Variants in PLXNA4 observed in about 807,000 individuals in gnomAD.
PLXNA4 encodes plexin-A4.
PLXNA4 carries 44 observed loss-of-function variants against 191.8 expected under a neutral mutation model. That is an observed-to-expected ratio of 0.23 (90% CI 0.18 to 0.29). The LOEUF is 0.29. Ranked by LOEUF, PLXNA4 falls within the 10% of genes least tolerant of loss-of-function variation. PLXNA4 has a pLI of 1.00. For synonymous variants in PLXNA4, 1,082 were observed against 1,009.5 expected (o/e 1.07, Z -1.36); for missense variants, 1,800 against 2,488.8 (o/e 0.72, Z 5.89).
At chr7:132,522,467 T>G (rs1400683163) in intron 1 of PLXNA4, among the ~76,000 whole-genome samples, 1 of 152,198 alleles carries the variant, frequency 6.6e-6, no homozygotes, top group Admixed American at 6.5e-5. Context: ...TCCAATACTT[T>G]CCTAATAAAC....
intron 3 of PLXNA4, among the ~76,000 whole-genome samples, chr7:132,432,609 G>A (rs1030392256): frequency 2.0e-5 from 3 of 152,182 alleles, no homozygotes; most frequent in South Asian, 4.1e-4. Context: ...GGGGTGTGGG[G>A]AAGGACTATT....
At chr7:132,539,066 C>T (rs2116489494) in intron 1 of PLXNA4, among the ~76,000 whole-genome samples, 1 of 152,328 alleles carries the variant, frequency 6.6e-6, no homozygotes. Context: ...GCCACCCTCT[C>T]ACCCTCCTTG....
chr7:132,479,532 G>A (rs901030864), intron 3 of PLXNA4, among the ~76,000 whole-genome samples: 19 of 152,218 alleles, frequency 1.2e-4, no homozygotes, highest in African/African-American at 3.6e-4. Context: ...CCTTCCACCC[G>A]CACCTTAGTG....
intron 19 of PLXNA4, 52 bp from the exon 20 acceptor site, chr7:132,179,973 G>A: frequency 6.5e-7 from 1 of 1,541,284 alleles, no homozygotes; most frequent in Non-Finnish European, 8.8e-7. Flanking sequence ...CAGCAGCTTT[G>A]GCAACAGTCC....
intron 1 of PLXNA4, among the ~76,000 whole-genome samples, chr7:132,647,546 CACAT>C (rs759172256): frequency 4.3e-4 from 66 of 152,038 alleles, no homozygotes; most frequent in Non-Finnish European, 4.9e-4. Context: ...CACGTACACT[CACAT>C]ACTCACACAT....
In PLXNA4 at chr7:132,274,280, A is replaced by ATG. The variant is rs1370566605; in HGVS notation, c.1503+23810_1503+23811insCA. ...TACGCTAATATGTATATATATATAT[A>ATG]TATGTATATATTTCTATTTTAAGAC... On this transcript the variant is annotated intron_variant, in intron 4 of 31. Transcript: ENST00000321063. Among the ~76,000 whole-genome samples the ATG allele has an allele frequency of 2.0e-5, 3 of 151,374 alleles. No individual in the cohort carries two copies. In the East Asian group the frequency reaches 5.8e-4, roughly 29 times the overall value.
At chr7:132,151,342 GA>G in intron 25 of PLXNA4, among the ~76,000 whole-genome samples, 1 of 98,546 alleles carries the variant, frequency 1.0e-5, no homozygotes, top group South Asian at 4.1e-4. Context: ...GAAGGAGGAG[GA>G]GGAGGAAGAA....
chr7:132,181,285 G>C, intron 18 of PLXNA4, 96 bp downstream of exon 18: 1 of 1,567,956 alleles, frequency 6.4e-7, no homozygotes. Context: ...AGAGATGCTG[G>C]TTGAGAAATG....
chr7:132,337,553 A>G lies in PLXNA4; in HGVS notation c.1372-39331T>C, dbSNP rs138099838. ...AAGCCCTCCTGGAATTCCGCAGTCA[A>G]CTACACCCTAGTTGCAGCACATTAA... On this transcript the variant is annotated intron_variant, in intron 3 of 31. Coordinates refer to ENST00000321063, the MANE Select transcript of PLXNA4 (RefSeq NM_020911.2). Among the ~76,000 whole-genome samples the G allele has an allele frequency of 2.6e-5, 4 of 152,338 alleles. No individual in the cohort carries two copies. The East Asian group carries it at 5.8e-4, about 22-fold the overall frequency.
chr7:132,461,045 T>C (rs912114756), intron 3 of PLXNA4, among the ~76,000 whole-genome samples: 4 of 152,206 alleles, frequency 2.6e-5, no homozygotes, highest in Non-Finnish European at 1.5e-5. Flanking sequence ...CTGGGAAATG[T>C]CGTTTTTCAG....
At chr7:132,624,831 C>G (rs1803338890) in intron 2 of PLXNA4, among the ~76,000 whole-genome samples, 1 of 152,192 alleles carries the variant, frequency 6.6e-6, no homozygotes, top group Non-Finnish European at 1.5e-5. Flanking sequence ...CTCAAAAGCT[C>G]ACCTACCTCT....
At chr7:132,524,014 C>T (rs762788418) in intron 1 of PLXNA4, among the ~76,000 whole-genome samples, 40 of 152,128 alleles carry the variant, frequency 2.6e-4, no homozygotes, top group African/African-American at 4.3e-4. Flanking sequence ...GTGTGTTCTG[C>T]GGAAGGCATC....
chr7:132,333,424 T>C lies in PLXNA4; in HGVS notation c.1372-35202A>G, dbSNP rs191078435. On this transcript the variant is annotated intron_variant, in intron 3 of 31. Transcript: ENST00000321063. ...AGAGGGAGGTGGGGAGGTGGGAAGG[T>C]AGCAACAAGCACCAGGCAACCATGA... is the stretch of plus-strand genomic sequence containing the variant. Among the ~76,000 whole-genome samples, 13 of 152,222 alleles carry C rather than the reference T, an allele frequency of 8.5e-5. No individual in the cohort carries two copies. In the East Asian group the frequency reaches 1.4e-3, roughly 16 times the overall value.
At chr7:132,136,485 T>C (rs1795116034) in intron 30 of PLXNA4, among the ~76,000 whole-genome samples, 1 of 152,160 alleles carries the variant, frequency 6.6e-6, no homozygotes, top group African/African-American at 2.4e-5. Context: ...CTTCCCTGGT[T>C]CTTTTTGCTG....
In PLXNA4 at chr7:132,411,706, T is replaced by C. The variant is rs181287347; in HGVS notation, c.1371+77586A>G. ...ACATGAAGAAATGAGTGTCAGTCCG[T>C]GTGAGGGAGAAGAAAAGGCCCAGAA... is the stretch of plus-strand genomic sequence containing the variant. On this transcript the variant is annotated intron_variant, in intron 3 of 31. Coordinates refer to ENST00000321063, the MANE Select transcript of PLXNA4 (RefSeq NM_020911.2). Among the ~76,000 whole-genome samples, 250 of 152,290 alleles carry C rather than the reference T, an allele frequency of 1.6e-3. 3 individuals carry two copies. Among genetic ancestry groups the C allele is most frequent in the Admixed American group, 5.0e-3 (76 of 15,304 alleles).
At chr7:132,274,266 GTA>G (rs548956261) in intron 4 of PLXNA4, among the ~76,000 whole-genome samples, 194 of 146,950 alleles carry the variant, frequency 1.3e-3, no homozygotes, top group Middle Eastern at 7.1e-3. Flanking sequence ...ACGCTAATAT[GTA>G]TATATATATA....
At chr7:132,151,026 T>C (rs1447184093) in intron 25 of PLXNA4, among the ~76,000 whole-genome samples, 1 of 152,158 alleles carries the variant, frequency 6.6e-6, no homozygotes, top group East Asian at 1.9e-4. Context: ...AAGTCAGGAA[T>C]GTTTTCCCAA....
chr7:132,572,870 A>G (rs1802043701), intron 1 of PLXNA4, among the ~76,000 whole-genome samples: 1 of 152,238 alleles, frequency 6.6e-6, no homozygotes, highest in African/African-American at 2.4e-5. Context: ...GATAGAGCCT[A>G]TAGGCCAATT....
chr7:132,198,548 G>T lies in PLXNA4; in HGVS notation c.2675C>A (p.Ser892Tyr). 6.2e-7 allele frequency: 1 copy of T among 1,614,252 alleles called. No individual in the cohort carries two copies. The highest frequency in any genetic ancestry group is 8.5e-7 in the Non-Finnish European group (1 of 1,180,046). Residue 892 changes from serine (S) to tyrosine (Y), a missense_variant, in exon 13 of 32, where the codon TCC (serine) becomes TAC (tyrosine). Coordinates refer to ENST00000321063, the MANE Select transcript of PLXNA4 (RefSeq NM_020911.2). ...NLGLEFRDIA[S>Y]HVKVAGVECS... ...CTCCACGCCAGCAACCTTGACATGG[G>T]AGGCGATGTCGCGAAATTCCAGGCC...
Sources: allele counts gnomAD v4.1 joint callset (sites outside exome capture counted in the v4.1 genomes callset), GRCh38; gene constraint gnomAD v4.1.1; transcripts MANE v1.5; gene names NCBI Gene and HGNC (gene_info 2026-07-23, HGNC 2026-07-21).